Variants in DAB1 observed in about 807,000 individuals in gnomAD.
DAB1 encodes the protein disabled homolog 1.
Under a neutral mutation model 64.6 loss-of-function variants are expected in DAB1, and 15 were observed. The ratio of observed to expected loss-of-function variants is 0.23; its 90% CI spans 0.16 to 0.36. DAB1 has a LOEUF of 0.36. Ranked by LOEUF, DAB1 falls within the 10% of genes least tolerant of loss-of-function variation. The pLI is 1.00. For synonymous variants in DAB1, 235 were observed against 251.9 expected (o/e 0.93, Z 0.64); for missense variants, 596 against 706.7 (o/e 0.84, Z 1.78).
chr1:58,362,064 C>T (rs985519547), intron 3 of DAB1, among the ~76,000 whole-genome samples: 1 of 151,950 alleles, frequency 6.6e-6, no homozygotes, highest in Non-Finnish European at 1.5e-5. Flanking sequence ...GGCGTTTCAC[C>T]ATGTTGGCCA....
At chr1:58,149,976 A>G (rs1654828753) in intron 5 of DAB1, among the ~76,000 whole-genome samples, 1 of 152,222 alleles carries the variant, frequency 6.6e-6, no homozygotes, top group South Asian at 2.1e-4. Flanking sequence ...AGGGTAAATT[A>G]CTATTGTTAC....
At chr1:57,435,046 CTTTTTTTTTTTTT>C (rs71580850) in intron 7 of DAB1, among the ~76,000 whole-genome samples, 1 of 93,078 alleles carries the variant, frequency 1.1e-5, no homozygotes, top group Non-Finnish European at 2.0e-5. Context: ...TTCTTTTTTT[CTTTTTTTTTTTTT>C]TTTTTTTGAG....
intron 4 of DAB1, among the ~76,000 whole-genome samples, chr1:58,281,515 A>T (rs985901337): frequency 1.3e-5 from 2 of 151,766 alleles, no homozygotes; most frequent in African/African-American, 2.4e-5. Flanking sequence ...CTTACCTAGT[A>T]TCCTTGCCTC....
chr1:57,731,900 A>T (rs1465658040), intron 6 of DAB1, among the ~76,000 whole-genome samples: 1 of 152,128 alleles, frequency 6.6e-6, no homozygotes, highest in Non-Finnish European at 1.5e-5. Context: ...AATCCGAAAC[A>T]TATGTGTTTG....
rs372087638 is a variant in DAB1 at position 57,467,751 on chromosome 1, A to G, written n.626-176585T>C. 3.9e-5 allele frequency among the ~76,000 whole-genome samples: 6 copies of G among 152,342 alleles called. No individual in the cohort carries two copies. In the East Asian group the frequency reaches 1.2e-3, roughly 29 times the overall value. On this transcript the variant is annotated intron_variant and non_coding_transcript_variant, in intron 7 of 20. Transcript: ENST00000485760. ...AGATACTCTCACTATCATTGGGTGC[A>G]TAAAATAGAGAATGATTCAAAACAG...
chr1:58,506,035 C>A, intron 3 of DAB1: 1 of 828,782 alleles, frequency 1.2e-6, no homozygotes, highest in Admixed American at 1.7e-5. Flanking sequence ...AAAATAATGT[C>A]CCGCCTTCTA....
At chr1:57,686,368 C>A (rs1024647122) in intron 6 of DAB1, among the ~76,000 whole-genome samples, 7 of 152,106 alleles carry the variant, frequency 4.6e-5, no homozygotes, top group African/African-American at 1.4e-4. Flanking sequence ...AAAACCTGAA[C>A]AGATGATTGA....
At chr1:57,208,498 T>G (rs1040158418) in intron 2 of DAB1, among the ~76,000 whole-genome samples, 2 of 152,224 alleles carry the variant, frequency 1.3e-5, no homozygotes, top group African/African-American at 4.8e-5. Context: ...CCACCTCACC[T>G]GGCTTACTCC....
At chr1:57,259,588 T>A (rs899170376) in intron 2 of DAB1, among the ~76,000 whole-genome samples, 11 of 152,246 alleles carry the variant, frequency 7.2e-5, no homozygotes, top group African/African-American at 2.6e-4. Flanking sequence ...GATTCCTAGT[T>A]AGCCGAGGCA....
intron 7 of DAB1, among the ~76,000 whole-genome samples, chr1:57,471,767 G>A (rs148835325): frequency 0.016 from 2,401 of 152,248 alleles, 68 homozygotes; most frequent in African/African-American, 0.055. Flanking sequence ...ACCCAGTCTT[G>A]GGTATGTCTT....
chr1:57,940,927 G>GA (rs1557567648), intron 5 of DAB1, among the ~76,000 whole-genome samples: 4 of 152,198 alleles, frequency 2.6e-5, no homozygotes, highest in Non-Finnish European at 5.9e-5. Flanking sequence ...AAAAACCCTA[G>GA]CAGAGATACC....
chr1:57,292,572 A>G (rs541246977), intron 1 of DAB1, among the ~76,000 whole-genome samples: 1 of 152,184 alleles, frequency 6.6e-6, no homozygotes, highest in African/African-American at 2.4e-5. Context: ...CTCTAAGACA[A>G]CGTTCAATGG....
chr1:58,055,592 GT>G (rs1648003822), intron 5 of DAB1, among the ~76,000 whole-genome samples: 1 of 152,084 alleles, frequency 6.6e-6, no homozygotes, highest in Non-Finnish European at 1.5e-5. Context: ...TGTTTGCTTT[GT>G]TTACCACTAT....
At chr1:58,190,978 A>G (rs2100229910) in intron 4 of DAB1, among the ~76,000 whole-genome samples, 1 of 152,352 alleles carries the variant, frequency 6.6e-6, no homozygotes, top group East Asian at 1.9e-4. Flanking sequence ...GGGCTCTCAC[A>G]GTCCCCATCC....
chr1:57,519,093 T>C (rs765441798), intron 7 of DAB1, among the ~76,000 whole-genome samples: 1 of 152,202 alleles, frequency 6.6e-6, no homozygotes, highest in Non-Finnish European at 1.5e-5. Context: ...GTTCTTACAA[T>C]AGTCCCTGTG....
chr1:58,408,927 A>C (rs1485942802), intron 3 of DAB1, among the ~76,000 whole-genome samples: 1 of 152,332 alleles, frequency 6.6e-6, no homozygotes, highest in South Asian at 2.1e-4. Context: ...GATACACACA[A>C]AAAAAGTTCT....
chr1:57,981,313 G>C (rs12027655), intron 5 of DAB1, among the ~76,000 whole-genome samples: 5,768 of 152,126 alleles, frequency 0.038, 198 homozygotes, highest in East Asian at 0.12. Flanking sequence ...GAAGGAGGAG[G>C]AGGAAGAGGA....
chr1:58,470,878 C>G (rs1645350254), intron 3 of DAB1, among the ~76,000 whole-genome samples: 1 of 152,108 alleles, frequency 6.6e-6, no homozygotes, highest in Admixed American at 6.5e-5. Flanking sequence ...AACCTACTGC[C>G]CCTGGAATGT....
At chr1:58,070,673 T>C (rs1649180982) in intron 5 of DAB1, among the ~76,000 whole-genome samples, 1 of 152,140 alleles carries the variant, frequency 6.6e-6, no homozygotes, top group South Asian at 2.1e-4. Context: ...GGCCTGTGGC[T>C]AGGATAGGCA....
Sources: gnomAD v4.1 joint callset for allele counts (sites outside exome capture counted in the v4.1 genomes callset) on GRCh38, gnomAD v4.1.1 for gene constraint, MANE v1.5 for transcripts, NCBI Gene and HGNC (gene_info 2026-07-23, HGNC 2026-07-21) for gene names.